The following SIM1 variants were observed in gnomAD, a reference collection of about 807,000 sequenced individuals.
The protein encoded by SIM1 is single-minded homolog 1.
In SIM1, 18 loss-of-function variants were observed where a neutral mutation model predicts 78.2. The ratio of observed to expected loss-of-function variants is 0.23; its 90% CI spans 0.16 to 0.34. The LOEUF (loss-of-function observed/expected upper bound fraction) is 0.34, where lower values mean the gene tolerates loss of function less well. Ranked by LOEUF, SIM1 falls within the 10% of genes least tolerant of loss-of-function variation. The probability of loss-of-function intolerance (pLI) is 1.00; values close to 1 mark genes in which losing one functional copy is unlikely to be tolerated. For missense variants in SIM1, 939 were observed against 975.1 expected (o/e 0.96, Z 0.49); for synonymous variants, 417 against 385.2 (o/e 1.08, Z -0.97).
chr6:100,400,002 A>T (rs1412363797), intron 10 of SIM1, among the ~76,000 whole-genome samples: 1 of 152,032 alleles, frequency 6.6e-6, no homozygotes, highest in Non-Finnish European at 1.5e-5. Flanking sequence ...AAAAAGCATT[A>T]AATAAAACAA....
chr6:100,407,521 C>A (rs187113344), intron 10 of SIM1, among the ~76,000 whole-genome samples: 22 of 152,020 alleles, frequency 1.4e-4, no homozygotes, highest in African/African-American at 5.3e-4. Context: ...TTTTGAAGAA[C>A]TTTCATACCA....
In SIM1 at chr6:100,411,587, C is replaced by T. The variant is rs147524764; in HGVS notation, c.1167+9203G>A. ...CTCCACAGACAATTAACAAAGTGTC[C>T]GCACAATTTTTAAATTTATTTATTT... On this transcript the variant is annotated intron_variant, in intron 10 of 11. Coordinates refer to ENST00000369208, the MANE Select transcript of SIM1 (RefSeq NM_005068.3). Among the ~76,000 whole-genome samples the T allele has an allele frequency of 7.1e-3, 1,084 of 152,114 alleles. 11 individuals are homozygous for T. Among genetic ancestry groups the T allele is most frequent in the African/African-American group, 0.011 (439 of 41,504 alleles).
intron 10 of SIM1, among the ~76,000 whole-genome samples, chr6:100,405,059 C>T (rs1771020900): frequency 6.6e-6 from 1 of 151,838 alleles, no homozygotes; most frequent in Non-Finnish European, 1.5e-5. Flanking sequence ...TCTAATTTAT[C>T]TTATTAATAA....
At chr6:100,404,859 T>A (rs1771016827) in intron 10 of SIM1, among the ~76,000 whole-genome samples, 2 of 152,214 alleles carry the variant, frequency 1.3e-5, no homozygotes, top group Non-Finnish European at 2.9e-5. Context: ...TCTGAGAGGC[T>A]GATGGAAACT....
At chr6:100,408,301 G>T (rs1375929379) in intron 10 of SIM1, among the ~76,000 whole-genome samples, 2 of 151,888 alleles carry the variant, frequency 1.3e-5, no homozygotes, top group Non-Finnish European at 1.5e-5. Flanking sequence ...TTCCACTGGG[G>T]TATATGTCTG....
chr6:100,392,551 A>T (rs1582600477), intron 11 of SIM1, among the ~76,000 whole-genome samples: 1 of 152,340 alleles, frequency 6.6e-6, no homozygotes, highest in East Asian at 1.9e-4. Flanking sequence ...CAAACTAGAG[A>T]TACTCAAAGT....
In SIM1 at chr6:100,419,984, A is replaced by G. The variant is rs183128259; in HGVS notation, c.1167+806T>C. On this transcript the variant is annotated intron_variant, in intron 10 of 11. Transcript: ENST00000369208. Reference sequence around the variant, plus strand: ...TAGCCCAGGAAGCATTTGCTGAGCTACTCTAGTGAACTGCAGGAGGTATGA... The same window carrying G: ...TAGCCCAGGAAGCATTTGCTGAGCTGCTCTAGTGAACTGCAGGAGGTATGA... Among the ~76,000 whole-genome samples, 6 of 152,074 alleles carry G rather than the reference A, an allele frequency of 3.9e-5. No homozygotes were observed. The East Asian group carries it at 1.2e-3, about 29-fold the overall frequency.
intron 10 of SIM1, among the ~76,000 whole-genome samples, chr6:100,395,861 G>C (rs999328194): frequency 6.6e-6 from 1 of 152,172 alleles, no homozygotes; most frequent in Non-Finnish European, 1.5e-5. Context: ...AATATAGCAT[G>C]CTCAGAACAG....
intron 2 of SIM1, among the ~76,000 whole-genome samples, chr6:100,458,786 C>A (rs7755091): frequency 0.078 from 11,952 of 152,268 alleles, 1,551 homozygotes; most frequent in African/African-American, 0.27. Context: ...GCGCAGGAAC[C>A]GCCTATTCGG....
intron 9 of SIM1, among the ~76,000 whole-genome samples, chr6:100,444,800 C>T (rs572708902): frequency 3.3e-5 from 5 of 152,206 alleles, no homozygotes; most frequent in Admixed American, 6.5e-5. Flanking sequence ...AGAAAATCAA[C>T]GAGCTTATGA....
At chr6:100,425,064 G>A (rs1380391151) in intron 9 of SIM1, among the ~76,000 whole-genome samples, 1 of 152,118 alleles carries the variant, frequency 6.6e-6, no homozygotes, top group Non-Finnish European at 1.5e-5. Flanking sequence ...TTGAATCATG[G>A]GGGCCAGTCT....
In SIM1 at chr6:100,390,893, T is replaced by C; in HGVS notation, c.1769A>G (p.Asp590Gly). The change falls in exon 12 of 12, where the codon GAC becomes GGC. Residue 590 changes from aspartate to glycine, a missense_variant. By Grantham distance (94) the Asp-to-Gly change is moderately conservative. Around this residue, in one of 5 missense-constraint regions of SIM1, gnomAD observed 556 missense variants for 521.9 expected, o/e 1.07. Transcript: ENST00000369208. ...AGCCCCATTAATGGAAGCCAGTTGG[T>C]CTGAGGGGGCTTTCCTTAGCTGTAA... ...NRLQLRKAPS[D>G]QLASINGAGK... is the part of the protein sequence containing the mutation. 1 of 1,614,152 alleles carries C rather than the reference T, an allele frequency of 6.2e-7. No homozygotes were observed. Among genetic ancestry groups the C allele is most frequent in the Non-Finnish European group, 8.5e-7 (1 of 1,180,036 alleles).
At position 100,463,714 on chromosome 6, in the gene SIM1, G is replaced by C. The variant is rs1027887435; in HGVS notation, c.-246C>G. The stretch of plus-strand genomic sequence containing the variant: ...GAAAGTTGCTGATCCACCGAATTTG[G>C]GCGATCCACCGAATTTGGGCAATCC... On this transcript the variant is annotated 5_prime_UTR_variant, in exon 2 of 12. Transcript: ENST00000369208. 5 of 367,448 alleles carry C rather than the reference G, an allele frequency of 1.4e-5. No homozygotes were observed. Among genetic ancestry groups the C allele is most frequent in the African/African-American group, 1.0e-4 (5 of 49,022 alleles). The allele number at this position is 367,448 out of a possible 1,614,324, so 22.8% of individuals were successfully genotyped here.
At chr6:100,395,037 A>C (rs1770735391) in intron 10 of SIM1, among the ~76,000 whole-genome samples, 1 of 152,186 alleles carries the variant, frequency 6.6e-6, no homozygotes, top group Admixed American at 6.5e-5. Flanking sequence ...CTATTTGGTC[A>C]GATTTTGAAA....
intron 10 of SIM1, among the ~76,000 whole-genome samples, chr6:100,413,167 C>T (rs1771304559): frequency 6.6e-6 from 1 of 152,180 alleles, no homozygotes; most frequent in Non-Finnish European, 1.5e-5. Flanking sequence ...ACATTTTAAT[C>T]TTCCCCATTG....
At chr6:100,427,623 C>A (rs1429355112) in intron 9 of SIM1, among the ~76,000 whole-genome samples, 1 of 152,206 alleles carries the variant, frequency 6.6e-6, no homozygotes, top group Non-Finnish European at 1.5e-5. Flanking sequence ...CAAAGTCAGT[C>A]AGCCTCATAA....
At chr6:100,412,614 AAGAAAGAAGG>A (rs1562239672) in intron 10 of SIM1, among the ~76,000 whole-genome samples, 8 of 116,150 alleles carry the variant, frequency 6.9e-5, no homozygotes, top group African/African-American at 2.6e-4. Flanking sequence ...AAAGAAAGGA[AAGAAAGAAGG>A]AAAGAAAGAA....
chr6:100,428,629 A>G (rs1562246791), intron 9 of SIM1, among the ~76,000 whole-genome samples: 3 of 151,838 alleles, frequency 2.0e-5, no homozygotes, highest in Non-Finnish European at 4.4e-5. Flanking sequence ...CAAGAGTTTT[A>G]AGAATGTTCA....
chr6:100,415,502 A>G (rs1291822526), intron 10 of SIM1, among the ~76,000 whole-genome samples: 1 of 152,206 alleles, frequency 6.6e-6, no homozygotes, highest in Non-Finnish European at 1.5e-5. Context: ...TATTTCTTAC[A>G]ATTTTTCCAA....
Sources: gnomAD v4.1 joint callset for allele counts (sites outside exome capture counted in the v4.1 genomes callset) on GRCh38, gnomAD v4.1.1 for gene constraint, gnomAD v4.1.1 regional missense constraint, MANE v1.5 for transcripts, NCBI Gene and HGNC (gene_info 2026-07-23, HGNC 2026-07-21) for gene names.